MTIF2: variants seen among roughly 807,000 people sequenced by gnomAD.
The protein encoded by MTIF2 is mitochondrial translational initiation factor 2.
In MTIF2, 71 loss-of-function variants were observed where a neutral mutation model predicts 83.5. The ratio of observed to expected loss-of-function variants is 0.85; its 90% CI spans 0.70 to 1.04. The LOEUF is 1.04. Among genes scored for constraint, MTIF2 ranks in the 50% least tolerant of loss-of-function variants. MTIF2 has a pLI of 0.00. For missense variants in MTIF2, 957 were observed against 846.5 expected, an observed-to-expected ratio of 1.13 and a Z score of -1.62; for synonymous variants, 319 against 287.1, an observed-to-expected ratio of 1.11 and a Z score of -1.12.
intron 8 of MTIF2, among the ~76,000 whole-genome samples, chr2:55,250,093 A>G (rs1009493343): frequency 2.0e-4 from 31 of 152,168 alleles, no homozygotes; most frequent in Admixed American, 1.9e-3. Context: ...ACTCCATCCC[A>G]GAAAAAACAC....
intron 3 of MTIF2, among the ~76,000 whole-genome samples, chr2:55,265,009 G>A (rs1434208032): frequency 2.6e-5 from 4 of 152,008 alleles, no homozygotes; most frequent in Non-Finnish European, 4.4e-5. Context: ...TTGGGAGGCC[G>A]AGGTGGGCGG....
chr2:55,237,650 T>TC (rs1675972400), intron 14 of MTIF2, among the ~76,000 whole-genome samples: 1 of 786 alleles, frequency 1.3e-3, no homozygotes, highest in Non-Finnish European at 2.8e-3. Flanking sequence ...TCTTTTTTTC[T>TC]TTTTTTTTTT....
At chr2:55,240,910 AGGTATT>A (rs1443035272) in intron 13 of MTIF2, among the ~76,000 whole-genome samples, 1 of 152,198 alleles carries the variant, frequency 6.6e-6, no homozygotes, top group African/African-American at 2.4e-5. Flanking sequence ...GTTTGCACTT[AGGTATT>A]CAGATGGCCA....
intron 4 of MTIF2, 114 bp from the exon 5 acceptor site, chr2:55,262,541 CTTTTTT>C (rs66500251): frequency 2.9e-4 from 82 of 285,176 alleles, no homozygotes; most frequent in Non-Finnish European, 4.2e-4. Flanking sequence ...CTTTTTTTTT[CTTTTTT>C]TTTTTTTTTT....
intron 5 of MTIF2, among the ~76,000 whole-genome samples, chr2:55,255,060 G>C (rs1248989025): frequency 6.6e-6 from 1 of 151,780 alleles, no homozygotes; most frequent in Non-Finnish European, 1.5e-5. Flanking sequence ...GAATATTTAT[G>C]TATTCTAAGC....
intron 5 of MTIF2, among the ~76,000 whole-genome samples, chr2:55,259,112 A>T (rs1677766845): frequency 6.6e-6 from 1 of 152,220 alleles, no homozygotes; most frequent in Non-Finnish European, 1.5e-5. Flanking sequence ...CCTCTGTGTT[A>T]AATGCATATG....
chr2:55,267,934 T>C (rs1678555553), intron 2 of MTIF2: 1 of 152,144 alleles, frequency 6.6e-6, no homozygotes, highest in Admixed American at 6.5e-5. Context: ...TCTAACTTAA[T>C]GCCAACGAAA....
chr2:55,262,540 TC>T (rs374880811), intron 4 of MTIF2, 113 bp from the exon 5 acceptor site: 45 of 462,670 alleles, frequency 9.7e-5, no homozygotes, highest in East Asian at 1.7e-4. Flanking sequence ...TCTTTTTTTT[TC>T]TTTTTTTTTT....
rs1678072914 is a variant in MTIF2, at chr2:55,262,393, G to A, written c.254C>T (p.Thr85Ile). 6.2e-7 allele frequency: 1 copy of A among 1,611,898 alleles called. No individual in the cohort carries two copies. Among genetic ancestry groups the A allele is most frequent in the Non-Finnish European group, 8.5e-7 (1 of 1,179,246 alleles). ...TACTTCTACCACCTTTTTAGATTTTGTTGAAGATAACTGAGATTTCCATGG... is the reference window on the plus strand; with the variant it reads ...TACTTCTACCACCTTTTTAGATTTTATTGAAGATAACTGAGATTTCCATGG... ...EGPWKSQLSS[T>I]KSKKVVEVWI... is the part of the protein sequence containing the mutation. Residue 85 changes from threonine to isoleucine, a missense_variant, in exon 5 of 16, where the codon ACA (threonine) becomes ATA (isoleucine). By Grantham distance (89) the Thr-to-Ile change is moderately conservative (BLOSUM62 -1). Transcript: ENST00000263629.
intron 3 of MTIF2, among the ~76,000 whole-genome samples, chr2:55,264,985 G>A (rs754283773): frequency 1.2e-4 from 18 of 152,210 alleles, no homozygotes; most frequent in Non-Finnish European, 2.2e-4. Context: ...GCTCATGCCT[G>A]TAATCCCAGC....
chr2:55,256,347 A>C (rs1170496664), intron 5 of MTIF2, among the ~76,000 whole-genome samples: 1 of 151,922 alleles, frequency 6.6e-6, no homozygotes, highest in African/African-American at 2.4e-5. Context: ...CTCTGAATAC[A>C]TGTATCCGCA....
At chr2:55,264,797 G>A (rs1248789522) in intron 3 of MTIF2, among the ~76,000 whole-genome samples, 1 of 152,060 alleles carries the variant, frequency 6.6e-6, no homozygotes, top group Non-Finnish European at 1.5e-5. Flanking sequence ...AATAAAAGAA[G>A]AGTTTTTTTG....
rs756234338 is a variant in MTIF2 at position 55,242,900 on chromosome 2, T to G, written c.1705+40A>C. On this transcript the variant is annotated intron_variant, in intron 13 of 15. Transcript: ENST00000263629. ...ACAGAAGCAGATGGTTCAGTGTTAT[T>G]TGGGGAACACAGATTAACAAGAAGA... 1.9e-6 allele frequency: 3 copies of G among 1,582,152 alleles called. No homozygotes were observed. The East Asian group carries it at 6.8e-5, about 36-fold the overall frequency.
At position 55,237,649 on chromosome 2, in the gene MTIF2, C is replaced by CTTTT. The variant is rs536036933; in HGVS notation, c.1871-225_1871-222dup. ...GCTATTCTTTTCCTTTTCTTTTTTT[C>CTTTT]TTTTTTTTTTTTTTTTTTTGAGACA... On this transcript the variant is annotated intron_variant, in intron 14 of 15. Coordinates refer to ENST00000263629, the MANE Select transcript of MTIF2 (RefSeq NM_002453.3). Among the ~76,000 whole-genome samples, 58 of 112,978 alleles carry CTTTT rather than the reference C, an allele frequency of 5.1e-4. 1 individual carries two copies. The highest frequency in any genetic ancestry group is 5.6e-4 in the South Asian group (2 of 3,558). The allele number at this position is 112,978 out of a possible 152,430, so 74.1% of individuals were successfully genotyped here.
rs765657070 is a variant in MTIF2 at position 55,239,997 on chromosome 2, C to G, written c.1870+14G>C. On this transcript the variant is annotated intron_variant, in intron 14 of 15. Coordinates refer to ENST00000263629, the MANE Select transcript of MTIF2 (RefSeq NM_002453.3). ...TATACTAATTTTTAAAAGTAACATT[C>G]AGTGATCACTCACCTACTGGGTGCT... 6.9e-6 allele frequency: 11 copies of G among 1,589,004 alleles called. No homozygotes were observed. The highest frequency in any genetic ancestry group is 2.3e-5 in the South Asian group (2 of 88,054).
In MTIF2 at chr2:55,236,769, G is replaced by A. The variant is rs377348399; in HGVS notation, c.2063C>T (p.Thr688Met). Residue 688 changes from threonine (T) to methionine (M), a missense_variant, in exon 16 of 16, where the codon ACG (threonine) becomes ATG (methionine). Around this residue, in one of 3 missense-constraint regions of MTIF2, gnomAD observed 221 missense variants for 180.6 expected, o/e 1.22. Coordinates refer to ENST00000263629, the MANE Select transcript of MTIF2 (RefSeq NM_002453.3). ...TAAACTGAGACCACAATCCATTCCC[G>A]TTTTGACAATTGAAATGTCATCTTT... ...HHKDDISIVK[T>M]GMDCGLSLDE... The A allele has an allele frequency of 1.7e-5, 28 of 1,609,146 alleles. No individual in the cohort carries two copies. The highest frequency in any genetic ancestry group is 2.3e-5 in the Non-Finnish European group (27 of 1,178,694).
In MTIF2 at chr2:55,240,166, T is replaced by C; in HGVS notation, c.1715A>G (p.Tyr572Cys). 1 of 1,609,872 alleles carries C rather than the reference T, an allele frequency of 6.2e-7. No individual in the cohort carries two copies. The highest frequency in any genetic ancestry group is 8.5e-7 in the Non-Finnish European group (1 of 1,176,728). Residue 572 changes from tyrosine to cysteine, a missense_variant, in exon 14 of 16, where the codon TAT becomes TGT. Tyr to Cys is a radical substitution (Grantham distance 194). This residue lies in a region of MTIF2 where 221 missense variants were observed against 180.6 expected (regional missense o/e 1.22). Coordinates refer to ENST00000263629, the MANE Select transcript of MTIF2 (RefSeq NM_002453.3). ...ATTGCCTGCATTCACATTAAAGCCA[T>C]ATATAACACCTAGCAAACAGAAATA... ...NLAETFDGVI[Y>C]GFNVNAGNVI...
rs1302105560 is a variant in MTIF2 at position 55,252,508 on chromosome 2, T to C, written c.810A>G (p.Val270=). The C allele has an allele frequency of 6.2e-7, 1 of 1,614,186 alleles. No individual in the cohort carries two copies. ...CATCTTTGGCATGCTGAATAGATTCTACAGTTTGTTTCATCACTCCATCAT... is the reference window on the plus strand; with the variant it reads ...CATCTTTGGCATGCTGAATAGATTCCACAGTTTGTTTCATCACTCCATCAT... ...AADDGVMKQT[V]ESIQHAKDAQ... Residue 270 remains valine (V), a synonymous_variant, in exon 8 of 16, where the codon GTA becomes GTG. Coordinates refer to ENST00000263629, the MANE Select transcript of MTIF2 (RefSeq NM_002453.3).
rs778789868 is a variant in MTIF2 at position 55,243,411 on chromosome 2, G to T, written c.1564+5C>A. ...AACTGTAATGTAAAATCTTTAAAAAGATACCTTTAATAATCACAGAAAGTA... is the reference window on the plus strand; with the variant it reads ...AACTGTAATGTAAAATCTTTAAAAATATACCTTTAATAATCACAGAAAGTA... On this transcript the variant is annotated splice_donor_5th_base_variant and intron_variant, in intron 12 of 15. Coordinates refer to ENST00000263629, the MANE Select transcript of MTIF2 (RefSeq NM_002453.3). 3.8e-6 allele frequency: 6 copies of T among 1,588,862 alleles called. No individual in the cohort carries two copies. The South Asian group carries it at 5.7e-5, about 15-fold the overall frequency.
Sources: gnomAD v4.1 joint callset for allele counts (sites outside exome capture counted in the v4.1 genomes callset) on GRCh38, gnomAD v4.1.1 for gene constraint, gnomAD v4.1.1 regional missense constraint, MANE v1.5 for transcripts, NCBI Gene and HGNC (gene_info 2026-07-23, HGNC 2026-07-21) for gene names.